RTN4RL1: variants seen among roughly 807,000 people sequenced by gnomAD.
The protein encoded by RTN4RL1 is reticulon 4 receptor like 1, also known as reticulon-4 receptor-like 1.
A neutral mutation model predicts 25.6 loss-of-function variants in RTN4RL1; 7 were observed. That is an observed-to-expected ratio of 0.27 (90% CI 0.16 to 0.51). The LOEUF (loss-of-function observed/expected upper bound fraction) is 0.51, where lower values mean the gene tolerates loss of function less well. Among genes scored for constraint, RTN4RL1 ranks in the 20% least tolerant of loss-of-function variants. RTN4RL1 has a pLI of 0.97. For synonymous variants in RTN4RL1, 297 were observed against 288.2 expected (o/e 1.03, Z -0.31); for missense variants, 500 against 615.6 (o/e 0.81, Z 1.99).
At position 1,971,666 on chromosome 17, in the gene RTN4RL1, CA is replaced by C. The variant is rs57067588; in HGVS notation, c.14-33859del. 9.1e-3 allele frequency among the ~76,000 whole-genome samples: 1,356 copies of C among 148,672 alleles called. 6 individuals carry two copies. The highest frequency in any genetic ancestry group is 0.015 in the Non-Finnish European group (994 of 67,214). On this transcript the variant is annotated intron_variant, in intron 1 of 1. Coordinates refer to ENST00000331238, the MANE Select transcript of RTN4RL1 (RefSeq NM_178568.4). ...ACAACAGAAGGAGACCCTGTCTCTACAAAAAAAAAATTTAGGCCAGGCACGG... is the reference window on the plus strand; with the variant it reads ...ACAACAGAAGGAGACCCTGTCTCTACAAAAAAAAATTTAGGCCAGGCACGG...
At chr17:2,024,239 G>A (rs911093872) in intron 1 of RTN4RL1, among the ~76,000 whole-genome samples, 3 of 152,206 alleles carry the variant, frequency 2.0e-5, no homozygotes, top group East Asian at 1.9e-4. Context: ...CGGCTTTCGC[G>A]TCCCTCCGCT....
At chr17:2,004,649 C>T (rs1233082881) in intron 1 of RTN4RL1, among the ~76,000 whole-genome samples, 1 of 152,194 alleles carries the variant, frequency 6.6e-6, no homozygotes, top group East Asian at 1.9e-4. Flanking sequence ...GCCTGCACCG[C>T]CTTAGGGGAC....
chr17:1,986,561 A>ACGTGAAGT (rs1375513766), intron 1 of RTN4RL1, among the ~76,000 whole-genome samples: 1 of 152,128 alleles, frequency 6.6e-6, no homozygotes, highest in African/African-American at 2.4e-5. Flanking sequence ...GAGGGAAGCC[A>ACGTGAAGT]CGTGAAGTCG....
At chr17:1,961,007 C>T (rs1180402556) in intron 1 of RTN4RL1, among the ~76,000 whole-genome samples, 1 of 152,192 alleles carries the variant, frequency 6.6e-6, no homozygotes, top group Non-Finnish European at 1.5e-5. Context: ...CAGCACCTAA[C>T]ACTCTCTGAG....
intron 1 of RTN4RL1, among the ~76,000 whole-genome samples, chr17:1,980,926 CAAAAAAA>C (rs71723916): frequency 0.018 from 1,604 of 87,140 alleles, 41 homozygotes; most frequent in African/African-American, 0.071. Context: ...GATTCTATCT[CAAAAAAA>C]AAAAAAAAAA....
In RTN4RL1 at chr17:2,010,108, A is replaced by G. The variant is rs186455489; in HGVS notation, c.13+14745T>C. The stretch of plus-strand genomic sequence containing the variant: ...CTCCTAAAATAACCGCTCTCTGGTC[A>G]CCCTCTGTTCTTCAACTGTTAATTT... On this transcript the variant is annotated intron_variant, in intron 1 of 1. Transcript: ENST00000331238. 1.9e-3 allele frequency among the ~76,000 whole-genome samples: 236 copies of G among 127,134 alleles called. 50 individuals are homozygous for G. Among genetic ancestry groups the G allele is most frequent in the Non-Finnish European group, 3.4e-3 (205 of 60,790 alleles). The allele number at this position is 127,134 out of a possible 152,430, so 83.4% of individuals were successfully genotyped here. A position where few individuals can be genotyped will look rare whatever the true frequency, so the allele number is the denominator to read the frequency against.
intron 1 of RTN4RL1, among the ~76,000 whole-genome samples, chr17:1,978,636 G>C (rs1032299412): frequency 1.3e-5 from 2 of 152,090 alleles, no homozygotes; most frequent in Admixed American, 6.6e-5. Context: ...CGGAAAATGG[G>C]GGGGGTGGAG....
chr17:1,946,699 T>C (rs571631479), intron 1 of RTN4RL1, among the ~76,000 whole-genome samples: 4 of 149,552 alleles, frequency 2.7e-5, no homozygotes, highest in South Asian at 2.1e-4. Flanking sequence ...AATGTGTGTG[T>C]GCACGGGGTC....
intron 1 of RTN4RL1, among the ~76,000 whole-genome samples, chr17:1,978,301 C>T (rs369571538): frequency 6.6e-6 from 1 of 152,258 alleles, no homozygotes; most frequent in East Asian, 1.9e-4. Flanking sequence ...GGGATCCAAA[C>T]CCAGCACTTC....
At chr17:1,976,538 T>C (rs992708898) in intron 1 of RTN4RL1, among the ~76,000 whole-genome samples, 12 of 152,216 alleles carry the variant, frequency 7.9e-5, no homozygotes, top group Non-Finnish European at 1.6e-4. Flanking sequence ...TCAGCAGCAG[T>C]GTGACTTTGG....
rs1198419128 is a variant in RTN4RL1 at position 2,024,171 on chromosome 17, G to A, written c.13+682C>T. On this transcript the variant is annotated intron_variant, in intron 1 of 1. Coordinates refer to ENST00000331238, the MANE Select transcript of RTN4RL1 (RefSeq NM_178568.4). ...GCTGCTGGGGCGTCTAGCTACGGTGGTCGCGAAGCCAGCTGTCCTCAAGTT... is the reference window on the plus strand; with the variant it reads ...GCTGCTGGGGCGTCTAGCTACGGTGATCGCGAAGCCAGCTGTCCTCAAGTT... Among the ~76,000 whole-genome samples the A allele has an allele frequency of 2.0e-5, 3 of 152,198 alleles. No individual in the cohort carries two copies. The East Asian group carries it at 5.8e-4, about 29-fold the overall frequency.
At chr17:1,941,982 C>T (rs183535126) in intron 1 of RTN4RL1, among the ~76,000 whole-genome samples, 1 of 152,288 alleles carries the variant, frequency 6.6e-6, no homozygotes, top group East Asian at 1.9e-4. Flanking sequence ...AAGTGAGGCC[C>T]GAGCCTTGGC....
chr17:1,937,721 G>A lies in RTN4RL1; in HGVS notation c.101C>T (p.Ala34Val), dbSNP rs530944036. The A allele has an allele frequency of 2.4e-5, 38 of 1,611,458 alleles. No individual in the cohort carries two copies. Among genetic ancestry groups the A allele is most frequent in the Non-Finnish European group, 3.1e-5 (36 of 1,179,764 alleles). ...CGCCTGGCAGCTGACCGTCATGGGC[G>A]CCGGGTAGCACACACAGTCCCGTGG... ...GCPRDCVCYP[A>V]PMTVSCQAHN... The change falls in exon 2 of 2, where the codon GCG (alanine) becomes GTG (valine). Residue 34 changes from alanine (A) to valine (V), a missense_variant. This residue lies in a region of RTN4RL1 where 232 missense variants were observed against 341.1 expected (regional missense o/e 0.68). Coordinates refer to ENST00000331238, the MANE Select transcript of RTN4RL1 (RefSeq NM_178568.4).
intron 1 of RTN4RL1, among the ~76,000 whole-genome samples, chr17:2,014,669 T>G (rs1360665685): frequency 6.6e-6 from 1 of 152,030 alleles, no homozygotes; most frequent in Non-Finnish European, 1.5e-5. Flanking sequence ...TTGTCTCTAC[T>G]AAAAATACAA....
intron 1 of RTN4RL1, among the ~76,000 whole-genome samples, chr17:1,958,616 T>G (rs1915836916): frequency 6.6e-6 from 1 of 152,150 alleles, no homozygotes; most frequent in Non-Finnish European, 1.5e-5. Flanking sequence ...GAAGGTCAGA[T>G]TAAATTGGAC....
chr17:2,015,555 G>A (rs1427577496), intron 1 of RTN4RL1, among the ~76,000 whole-genome samples: 1 of 152,222 alleles, frequency 6.6e-6, no homozygotes, highest in African/African-American at 2.4e-5. Context: ...CAGAACCATG[G>A]AGGCTGCCAT....
intron 1 of RTN4RL1, among the ~76,000 whole-genome samples, chr17:2,022,524 G>A (rs2067222143): frequency 6.6e-6 from 1 of 152,210 alleles, no homozygotes; most frequent in African/African-American, 2.4e-5. Flanking sequence ...ACCTCCCTGG[G>A]CATTAGCCTC....
chr17:1,970,016 TCTC>T (rs372389152), intron 1 of RTN4RL1, among the ~76,000 whole-genome samples: 28 of 61,486 alleles, frequency 4.6e-4, no homozygotes, highest in Admixed American at 1.0e-3. Context: ...CTGCTCTCTC[TCTC>T]TTTTTTTTTT....
intron 1 of RTN4RL1, among the ~76,000 whole-genome samples, chr17:1,983,054 T>C (rs12103769): frequency 0.23 from 34,080 of 148,708 alleles, 4,315 homozygotes; most frequent in Middle Eastern, 0.34. Flanking sequence ...TCTTCTTCTT[T>C]TTTTTTTTTT....
Sources: gnomAD v4.1 joint callset for allele counts (sites outside exome capture counted in the v4.1 genomes callset) on GRCh38, gnomAD v4.1.1 for gene constraint, gnomAD v4.1.1 regional missense constraint, MANE v1.5 for transcripts, NCBI Gene and HGNC (gene_info 2026-07-23, HGNC 2026-07-21) for gene names.